The following DYNC1I1 variants were observed in gnomAD, a reference collection of about 807,000 sequenced individuals.
DYNC1I1 encodes the protein cytoplasmic dynein 1 intermediate chain 1.
DYNC1I1 carries 43 observed loss-of-function variants against 86.6 expected under a neutral mutation model. The observed-to-expected ratio is 0.50, with a 90% confidence interval of 0.39 to 0.64. The LOEUF (loss-of-function observed/expected upper bound fraction) is 0.64, where lower values mean the gene tolerates loss of function less well. Among genes scored for constraint, DYNC1I1 ranks in the 30% least tolerant of loss-of-function variants. The pLI, the probability that DYNC1I1 is intolerant of heterozygous loss-of-function variation, is 0.00. For missense variants in DYNC1I1, 604 were observed against 788.8 expected (o/e 0.77, Z 2.81); for synonymous variants, 262 against 283.7 (o/e 0.92, Z 0.77).
At chr7:95,959,171 A>C (rs1421434814) in intron 6 of DYNC1I1, among the ~76,000 whole-genome samples, 3 of 151,952 alleles carry the variant, frequency 2.0e-5, no homozygotes, top group Non-Finnish European at 2.9e-5. Flanking sequence ...GAGGCTATGA[A>C]TGCTTGAGTG....
chr7:96,092,735 TG>T lies in DYNC1I1; in HGVS notation c.1777-4746del, dbSNP rs1312350648. Among the ~76,000 whole-genome samples, 13 of 152,204 alleles carry T rather than the reference TG, an allele frequency of 8.5e-5. No homozygotes were observed. In the East Asian group the frequency reaches 2.1e-3, roughly 25 times the overall value. On this transcript the variant is annotated intron_variant, in intron 16 of 16. Transcript: ENST00000447467. ...CCGAGAAGTAGTGGGGTAGCCTGGG[TG>T]GTGGGGCTCTGGGAGGCTAAAATGA...
At chr7:95,988,603 A>T (rs1413708825) in intron 9 of DYNC1I1, among the ~76,000 whole-genome samples, 1 of 152,192 alleles carries the variant, frequency 6.6e-6, no homozygotes, top group African/African-American at 2.4e-5. Context: ...TAAGCATCTG[A>T]TGCCTGAGCC....
intron 10 of DYNC1I1, among the ~76,000 whole-genome samples, chr7:96,010,173 C>A (rs1379733172): frequency 6.6e-6 from 1 of 152,096 alleles, no homozygotes; most frequent in African/African-American, 2.4e-5. Flanking sequence ...AGGTCAAAAG[C>A]AAGAATAGGT....
intron 5 of DYNC1I1, among the ~76,000 whole-genome samples, chr7:95,844,377 A>G (rs1367934033): frequency 6.6e-6 from 1 of 152,158 alleles, no homozygotes; most frequent in African/African-American, 2.4e-5. Flanking sequence ...CTTAGATTTT[A>G]TTTTCAATGT....
chr7:96,080,555 T>C, intron 16 of DYNC1I1, 67 bp downstream of exon 16: 19 of 1,613,494 alleles, frequency 1.2e-5, no homozygotes, highest in Non-Finnish European at 1.5e-5. Flanking sequence ...CCTAGTGAAA[T>C]TATTAGCAAG....
chr7:95,858,157 C>T (rs1256788238), intron 5 of DYNC1I1, among the ~76,000 whole-genome samples: 1 of 152,184 alleles, frequency 6.6e-6, no homozygotes, highest in African/African-American at 2.4e-5. Flanking sequence ...CTGAAAGGGA[C>T]AGGCCTGACT....
chr7:96,036,131 G>A (rs1239592344), intron 13 of DYNC1I1, among the ~76,000 whole-genome samples: 1 of 152,080 alleles, frequency 6.6e-6, no homozygotes, highest in Non-Finnish European at 1.5e-5. Context: ...ACCAGTTCTA[G>A]CATTTCTCCC....
rs2237592 is a variant in DYNC1I1, at chr7:96,025,698, A to G, written c.970-2477A>G. 0.016 allele frequency among the ~76,000 whole-genome samples: 2,395 copies of G among 152,252 alleles called. 203 individuals carry two copies. The East Asian group carries it at 0.25, about 16-fold the overall frequency. On this transcript the variant is annotated intron_variant, in intron 10 of 16. Transcript: ENST00000447467. ...TGAATGAATGAAGAATGAACAAATT[A>G]ATGAATGAACAAATAGGTATTGGAG...
chr7:95,945,086 T>C (rs531442052), intron 6 of DYNC1I1, among the ~76,000 whole-genome samples: 1 of 151,590 alleles, frequency 6.6e-6, no homozygotes, highest in African/African-American at 2.4e-5. Flanking sequence ...TAAAATAAAA[T>C]AAAAAACCAT....
At chr7:96,018,550 G>A (rs79629427) in intron 10 of DYNC1I1, among the ~76,000 whole-genome samples, 230 of 152,292 alleles carry the variant, frequency 1.5e-3, no homozygotes, top group African/African-American at 5.2e-3. Context: ...AGCCGGGGAT[G>A]ACAGTGATAA....
chr7:95,900,043 C>T (rs1184516487), intron 6 of DYNC1I1, among the ~76,000 whole-genome samples: 3 of 152,100 alleles, frequency 2.0e-5, no homozygotes, highest in Admixed American at 1.3e-4. Context: ...TTTGCCCTGA[C>T]GATGACCCAG....
intron 12 of DYNC1I1, among the ~76,000 whole-genome samples, chr7:96,033,836 C>T (rs112412844): frequency 1.2e-4 from 18 of 152,028 alleles, no homozygotes; most frequent in African/African-American, 4.1e-4. Context: ...AGAGCAAGAC[C>T]CTTTTTCTAC....
At chr7:96,027,289 TA>T (rs1311712015) in intron 10 of DYNC1I1, among the ~76,000 whole-genome samples, 6 of 152,326 alleles carry the variant, frequency 3.9e-5, no homozygotes, top group African/African-American at 1.4e-4. Flanking sequence ...ATGTATTGAC[TA>T]AAAACAATTA....
intron 6 of DYNC1I1, among the ~76,000 whole-genome samples, chr7:95,883,578 T>G (rs955406165): frequency 6.6e-6 from 1 of 152,208 alleles, no homozygotes; most frequent in Non-Finnish European, 1.5e-5. Flanking sequence ...CTTAAGTGAG[T>G]CATGTTTACA....
chr7:95,895,271 G>GA (rs1351262321), intron 6 of DYNC1I1, among the ~76,000 whole-genome samples: 2 of 152,162 alleles, frequency 1.3e-5, no homozygotes, highest in Non-Finnish European at 2.9e-5. Context: ...TACAATAAGA[G>GA]AAAATGACAC....
At chr7:95,797,490 T>C (rs1794469871) in intron 1 of DYNC1I1, among the ~76,000 whole-genome samples, 1 of 152,236 alleles carries the variant, frequency 6.6e-6, no homozygotes, top group Admixed American at 6.5e-5. Flanking sequence ...TCAGATATAA[T>C]ATAATGTGTC....
intron 6 of DYNC1I1, among the ~76,000 whole-genome samples, chr7:95,956,380 C>CTTT (rs57664357): frequency 3.6e-5 from 5 of 140,090 alleles, no homozygotes; most frequent in Non-Finnish European, 7.8e-5. Flanking sequence ...CTTTTTTTCT[C>CTTT]TTTTTTTTTT....
chr7:95,960,811 G>A (rs1404809797), intron 6 of DYNC1I1, among the ~76,000 whole-genome samples: 2 of 152,182 alleles, frequency 1.3e-5, no homozygotes, highest in African/African-American at 4.8e-5. Flanking sequence ...ACCAGAGCAG[G>A]CACCAATCCA....
intron 16 of DYNC1I1, among the ~76,000 whole-genome samples, chr7:96,104,779 TATTA>T (rs1791190500): frequency 6.6e-6 from 1 of 152,192 alleles, no homozygotes; most frequent in Non-Finnish European, 1.5e-5. Context: ...AATAGCTGTG[TATTA>T]ATTCTTGAAA....
Sources: allele counts gnomAD v4.1 joint callset (sites outside exome capture counted in the v4.1 genomes callset), GRCh38; gene constraint gnomAD v4.1.1; transcripts MANE v1.5; gene names NCBI Gene and HGNC (gene_info 2026-07-23, HGNC 2026-07-21).